C6: variants seen among roughly 807,000 people sequenced by gnomAD.
C6 encodes the protein complement C6, also known as complement component C6.
Under a neutral mutation model 112.9 loss-of-function variants are expected in C6, and 101 were observed. The ratio of observed to expected loss-of-function variants is 0.89; its 90% CI spans 0.76 to 1.06. The LOEUF (loss-of-function observed/expected upper bound fraction) is 1.06. Ranked by LOEUF, C6 falls within the 50% of genes least tolerant of loss-of-function variation. The pLI is 0.00. For synonymous variants in C6, 431 were observed against 384.1 expected, an observed-to-expected ratio of 1.12 and a Z score of -1.43; for missense variants, 1,202 against 1,104.6, an observed-to-expected ratio of 1.09 and a Z score of -1.25.
chr5:41,142,951 G>A lies in C6; in HGVS notation c.2679C>T (p.Asn893=). 6.2e-7 allele frequency: 1 copy of A among 1,613,546 alleles called. No individual in the cohort carries two copies. Among genetic ancestry groups the A allele is most frequent in the East Asian group, 2.2e-5 (1 of 44,852 alleles). Residue 893 remains asparagine, a synonymous_variant, in exon 18 of 18, where the codon AAC becomes AAT. Transcript: ENST00000337836. ...LLPPQCFKGG[N]QLYCVKMGSS... The stretch of plus-strand genomic sequence containing the variant: ...ATCCCATTTTGACACAGTAGAGTTG[G>A]TTTCCACCCTTGAAGCACTGTGGGG...
chr5:41,249,945 G>A (rs1401238617), intron 1 of C6, among the ~76,000 whole-genome samples: 1 of 152,162 alleles, frequency 6.6e-6, no homozygotes, highest in African/African-American at 2.4e-5. Flanking sequence ...TGGATGGACA[G>A]CTTTTCATAA....
intron 4 of C6, among the ~76,000 whole-genome samples, chr5:41,199,497 T>C (rs1750848410): frequency 6.6e-6 from 1 of 152,208 alleles, no homozygotes; most frequent in Admixed American, 6.5e-5. Flanking sequence ...ATAAATTATA[T>C]TAAAAATCTT....
In C6 at chr5:41,253,581, T is replaced by G. The variant is rs999337721; in HGVS notation, c.-21+7613A>C. On this transcript the variant is annotated intron_variant, in intron 1 of 17. Transcript: ENST00000263413. ...GGGCAATTGTAGGACCCACCTAATT[T>G]GTTTTCTCTCTCCCAGGAATCACTG... Among the ~76,000 whole-genome samples the G allele has an allele frequency of 7.2e-5, 11 of 152,206 alleles. No individual in the cohort carries two copies. In the East Asian group the frequency reaches 2.1e-3, roughly 29 times the overall value.
chr5:41,249,779 A>G (rs1741232303), intron 1 of C6, among the ~76,000 whole-genome samples: 1 of 152,200 alleles, frequency 6.6e-6, no homozygotes, highest in Admixed American at 6.5e-5. Flanking sequence ...ATTATTCCTC[A>G]TTAACTTTGA....
intron 1 of C6, among the ~76,000 whole-genome samples, chr5:41,238,667 G>T (rs994662494): frequency 3.3e-5 from 5 of 152,120 alleles, no homozygotes; most frequent in African/African-American, 9.7e-5. Context: ...AATTTTTATG[G>T]TGTAATATCT....
intron 1 of C6, among the ~76,000 whole-genome samples, chr5:41,234,313 G>C (rs951059543): frequency 6.6e-6 from 1 of 151,096 alleles, no homozygotes; most frequent in African/African-American, 2.4e-5. Flanking sequence ...TTCCAGTGTG[G>C]GATACTTTGT....
chr5:41,189,709 C>T (rs1485779759), intron 5 of C6, among the ~76,000 whole-genome samples: 1 of 151,996 alleles, frequency 6.6e-6, no homozygotes, highest in Non-Finnish European at 1.5e-5. Flanking sequence ...AACACTAGAA[C>T]TTATTCCTCT....
At chr5:41,202,946 G>A (rs372556392) in intron 2 of C6, 142 bp downstream of exon 2, 2 of 843,108 alleles carry the variant, frequency 2.4e-6, no homozygotes, top group African/African-American at 1.7e-5. Flanking sequence ...ATAAGAGAGA[G>A]ACTTCAAATT....
intron 6 of C6, among the ~76,000 whole-genome samples, chr5:41,183,517 A>C (rs76273443): frequency 0.013 from 1,921 of 152,226 alleles, 37 homozygotes; most frequent in African/African-American, 0.043. Flanking sequence ...AAGGAATGCT[A>C]ATACACTGTT....
chr5:41,219,890 C>T (rs1739062062), intron 1 of C6, among the ~76,000 whole-genome samples: 1 of 152,160 alleles, frequency 6.6e-6, no homozygotes, highest in African/African-American at 2.4e-5. Flanking sequence ...ACATCACATG[C>T]TCTGTGTATT....
intron 1 of C6, among the ~76,000 whole-genome samples, chr5:41,233,471 G>A (rs965128181): frequency 6.6e-6 from 1 of 152,052 alleles, no homozygotes; most frequent in Admixed American, 6.6e-5. Flanking sequence ...AGATGGAGAA[G>A]CTCTTCACAT....
At position 41,195,943 on chromosome 5, in the gene C6, A is replaced by T. The variant is rs920888184; in HGVS notation, c.446-10T>A. ...CTGGCAATGCAGCGGCCTAGTCAAGAAAAGCAAACAAAATCAATGCAACAA... is the reference window on the plus strand; with the variant it reads ...CTGGCAATGCAGCGGCCTAGTCAAGTAAAGCAAACAAAATCAATGCAACAA... On this transcript the variant is annotated splice_polypyrimidine_tract_variant and intron_variant, in intron 4 of 17. Coordinates refer to ENST00000337836, the MANE Select transcript of C6 (RefSeq NM_000065.5). 1.9e-6 allele frequency: 3 copies of T among 1,613,508 alleles called. No homozygotes were observed. In the African/African-American group the frequency reaches 4.0e-5, roughly 22 times the overall value.
At position 41,150,668 on chromosome 5, in the gene C6, C is replaced by T. The variant is rs528238616; in HGVS notation, c.2291-643G>A. Among the ~76,000 whole-genome samples, 3 of 152,160 alleles carry T rather than the reference C, an allele frequency of 2.0e-5. No homozygotes were observed. In the East Asian group the frequency reaches 5.8e-4, roughly 29 times the overall value. On this transcript the variant is annotated intron_variant, in intron 15 of 17. Transcript: ENST00000337836. Reference sequence around the variant, plus strand: ...TTTTGGGAGGCTGAGGCAGGCAGATCACAAGGTCAGGAGTTCGAGAACAGC... The same window carrying T: ...TTTTGGGAGGCTGAGGCAGGCAGATTACAAGGTCAGGAGTTCGAGAACAGC...
intron 1 of C6, among the ~76,000 whole-genome samples, chr5:41,236,489 C>G (rs563909673): frequency 6.9e-6 from 1 of 145,844 alleles, no homozygotes. Context: ...GGGTACATAA[C>G]GAAATGAAGG....
chr5:41,186,116 C>T lies in C6; in HGVS notation c.680G>A (p.Ser227Asn), dbSNP rs1247807109. The T allele has an allele frequency of 1.9e-6, 3 of 1,613,888 alleles. No homozygotes were observed. The highest frequency in any genetic ancestry group is 2.5e-6 in the Non-Finnish European group (3 of 1,179,952). The change falls in exon 6 of 18, where the codon AGT becomes AAT. Residue 227 changes from serine (S) to asparagine (N), a missense_variant. Transcript: ENST00000337836. ...ICKTVKSSRT[S>N]NPYRVPANLE... ...ATTGGCCGGAACACGGTATGGATTACTTGTCCTACTGCTTTTGACAGTTTT... is the reference window on the plus strand; with the variant it reads ...ATTGGCCGGAACACGGTATGGATTATTTGTCCTACTGCTTTTGACAGTTTT...
Position 41,149,426 on chromosome 5 carries a change from G to A in C6, c.2438C>T (p.Ser813Leu), listed in dbSNP as rs1430545738. The A allele has an allele frequency of 6.2e-7, 1 of 1,614,072 alleles. No individual in the cohort carries two copies. Among genetic ancestry groups the A allele is most frequent in the Non-Finnish European group, 8.5e-7 (1 of 1,179,958 alleles). ...FDTDSNDYFT[S>L]PACKFLAEKC... ...CTCAGCCAAAAACTTACAAGCGGGTGAAGTAAAGTAATCGTTGGAGTCTGT... is the reference window on the plus strand; with the variant it reads ...CTCAGCCAAAAACTTACAAGCGGGTAAAGTAAAGTAATCGTTGGAGTCTGT... Residue 813 changes from serine (S) to leucine (L), a missense_variant, in exon 17 of 18, where the codon TCA becomes TTA. By Grantham distance (145) the Ser-to-Leu change is moderately radical. Coordinates refer to ENST00000337836, the MANE Select transcript of C6 (RefSeq NM_000065.5).
In C6 at chr5:41,172,208, A is replaced by C. The variant is rs1347286609; in HGVS notation, c.1291+17T>G. 6.2e-7 allele frequency: 1 copy of C among 1,613,282 alleles called. No homozygotes were observed. Among genetic ancestry groups the C allele is most frequent in the Non-Finnish European group, 8.5e-7 (1 of 1,179,424 alleles). ...TCAGGGCACACTGGATAAGCTGCTA[A>C]GAGAGAGTACTGTTACCTTCATGTT... On this transcript the variant is annotated intron_variant, in intron 9 of 17. Coordinates refer to ENST00000337836, the MANE Select transcript of C6 (RefSeq NM_000065.5).
chr5:41,151,946 G>C (rs1364592414), intron 15 of C6, among the ~76,000 whole-genome samples: 1 of 151,820 alleles, frequency 6.6e-6, no homozygotes, highest in East Asian at 1.9e-4. Context: ...GTGGAGAAAT[G>C]CAGCTCCTAA....
At chr5:41,225,589 G>A (rs899324523) in intron 1 of C6, among the ~76,000 whole-genome samples, 6 of 152,118 alleles carry the variant, frequency 3.9e-5, no homozygotes, top group Admixed American at 6.5e-5. Flanking sequence ...ACCCAGTAAT[G>A]GGATGGCTGG....
Sources: gnomAD v4.1 joint callset for allele counts (sites outside exome capture counted in the v4.1 genomes callset) on GRCh38, gnomAD v4.1.1 for gene constraint, MANE v1.5 for transcripts, NCBI Gene and HGNC (gene_info 2026-07-23, HGNC 2026-07-21) for gene names.